Variants in SNX29 observed in about 807,000 individuals in gnomAD.
The protein encoded by SNX29 is sorting nexin-29.
In SNX29, 78 loss-of-function variants were observed where a neutral mutation model predicts 102.1. That is an observed-to-expected ratio of 0.76 (90% CI 0.64 to 0.92). The LOEUF is 0.92. SNX29 is among the 40% of genes least tolerant of loss of function. The pLI is 0.00. For missense variants in SNX29, 1,280 were observed against 1,061.7 expected (o/e 1.21, Z -2.86); for synonymous variants, 580 against 414.5 (o/e 1.40, Z -4.85).
chr16:12,279,914 A>G (rs577180823), intron 15 of SNX29, among the ~76,000 whole-genome samples: 228 of 152,322 alleles, frequency 1.5e-3, no homozygotes, highest in African/African-American at 5.5e-3. Context: ...TGAGGACTCC[A>G]TCAGACCAGT....
chr16:12,468,988 G>A (rs149839305), intron 18 of SNX29, among the ~76,000 whole-genome samples: 6 of 152,316 alleles, frequency 3.9e-5, no homozygotes, highest in African/African-American at 1.2e-4. Flanking sequence ...TGGAGTGAAC[G>A]TAATCTGTGC....
At chr16:12,496,472 C>G (rs968611132) in intron 19 of SNX29, among the ~76,000 whole-genome samples, 27 of 151,280 alleles carry the variant, frequency 1.8e-4, no homozygotes, top group African/African-American at 6.3e-4. Flanking sequence ...AGTCACCAGC[C>G]TGCCCTGCTT....
chr16:12,565,413 A>G (rs1212847158), intron 20 of SNX29, among the ~76,000 whole-genome samples: 1 of 148,038 alleles, frequency 6.8e-6, no homozygotes, highest in Non-Finnish European at 1.5e-5. Flanking sequence ...CTTGTCCCAA[A>G]TGAAGCCCAT....
At chr16:12,198,463 T>C (rs1451342184) in intron 13 of SNX29, among the ~76,000 whole-genome samples, 2 of 152,242 alleles carry the variant, frequency 1.3e-5, no homozygotes, top group African/African-American at 4.8e-5. Context: ...GCATTTTTTA[T>C]TTTTATAATC....
At chr16:12,261,858 C>A (rs1170124941) in intron 14 of SNX29, among the ~76,000 whole-genome samples, 5 of 143,728 alleles carry the variant, frequency 3.5e-5, no homozygotes, top group Non-Finnish European at 7.5e-5. Flanking sequence ...GTGCGTGCAT[C>A]CCTGGCTGGA....
At chr16:12,541,604 T>C (rs941885437) in intron 20 of SNX29, among the ~76,000 whole-genome samples, 7 of 152,126 alleles carry the variant, frequency 4.6e-5, no homozygotes, top group African/African-American at 1.4e-4. Flanking sequence ...GAGGTCACAC[T>C]CTGGGCCACA....
intron 11 of SNX29, chr16:12,090,384 G>A (rs1349020919): frequency 6.6e-6 from 1 of 152,238 alleles, no homozygotes; most frequent in Admixed American, 6.5e-5. Flanking sequence ...GAATGCAGAG[G>A]CAGTGGGAGG....
At chr16:12,144,809 C>G (rs1338423952) in intron 13 of SNX29, among the ~76,000 whole-genome samples, 1 of 152,206 alleles carries the variant, frequency 6.6e-6, no homozygotes. Flanking sequence ...GGAAGCTCCT[C>G]CTCCCGGATT....
intron 20 of SNX29, among the ~76,000 whole-genome samples, chr16:12,540,806 G>A (rs573419541): frequency 1.3e-5 from 2 of 152,306 alleles, no homozygotes; most frequent in East Asian, 3.9e-4. Context: ...TCAAGGCTGA[G>A]GCATGAGAGA....
chr16:12,252,125 C>A (rs1268846230), intron 14 of SNX29, among the ~76,000 whole-genome samples: 2 of 152,204 alleles, frequency 1.3e-5, no homozygotes, highest in Non-Finnish European at 2.9e-5. Flanking sequence ...TCCCAGAAAT[C>A]ATCTCTTCTG....
At chr16:12,208,790 A>G (rs1459783822) in intron 14 of SNX29, among the ~76,000 whole-genome samples, 1 of 151,664 alleles carries the variant, frequency 6.6e-6, no homozygotes, top group Non-Finnish European at 1.5e-5. Flanking sequence ...GCACTGAGCC[A>G]TGATCATGCT....
At chr16:12,085,381 C>T (rs761914561) in intron 11 of SNX29, among the ~76,000 whole-genome samples, 14 of 152,210 alleles carry the variant, frequency 9.2e-5, no homozygotes, top group Admixed American at 9.2e-4. Flanking sequence ...GGCTGGAATG[C>T]ACTGGTGTAA....
At chr16:12,069,900 G>C (rs1030894911) in intron 10 of SNX29, among the ~76,000 whole-genome samples, 37 of 151,138 alleles carry the variant, frequency 2.4e-4, no homozygotes, top group African/African-American at 7.0e-4. Flanking sequence ...CCGTGGTCTC[G>C]ATCTCCTGAC....
At chr16:12,347,842 C>G (rs2081861943) in intron 15 of SNX29, among the ~76,000 whole-genome samples, 1 of 150,306 alleles carries the variant, frequency 6.7e-6, no homozygotes, top group African/African-American at 2.5e-5. Context: ...CTTCGGGAGG[C>G]TGAGGCAGGA....
chr16:12,002,889 C>T, intron 2 of SNX29, 102 bp from the exon 3 acceptor site: 2 of 1,320,948 alleles, frequency 1.5e-6, no homozygotes, highest in East Asian at 2.3e-5. Context: ...GCTTCTGGTC[C>T]CGTGTCCCCT....
intron 14 of SNX29, among the ~76,000 whole-genome samples, chr16:12,261,823 A>G (rs1341434959): frequency 2.7e-4 from 17 of 63,730 alleles, no homozygotes; most frequent in African/African-American, 7.5e-4. Flanking sequence ...CGGCTGGAGT[A>G]AGTGTTTGCT....
intron 14 of SNX29, among the ~76,000 whole-genome samples, chr16:12,254,941 G>C (rs1392456223): frequency 1.3e-5 from 2 of 152,178 alleles, no homozygotes; most frequent in Non-Finnish European, 2.9e-5. Context: ...CAGGAGGTTG[G>C]CTGCAGACAG....
At chr16:12,476,383 A>AATATATATATATATAT (rs1567603099) in intron 18 of SNX29, among the ~76,000 whole-genome samples, 1 of 9,486 alleles carries the variant, frequency 1.1e-4, no homozygotes, top group Non-Finnish European at 2.2e-4. Flanking sequence ...AAAAAAAAAA[A>AATATATATATATATAT]ATATATATAT....
intron 13 of SNX29, among the ~76,000 whole-genome samples, chr16:12,155,322 C>T (rs1392897278): frequency 6.6e-6 from 1 of 152,212 alleles, no homozygotes; most frequent in East Asian, 1.9e-4. Flanking sequence ...TGTGTTAAGT[C>T]GGTGGATTCA....
Sources: allele counts gnomAD v4.1 joint callset (sites outside exome capture counted in the v4.1 genomes callset), GRCh38; gene constraint gnomAD v4.1.1; transcripts MANE v1.5; gene names NCBI Gene and HGNC (gene_info 2026-07-23, HGNC 2026-07-21).